The following ROBO2 variants were observed in gnomAD, a reference collection of about 807,000 sequenced individuals.
The protein encoded by ROBO2 is roundabout homolog 2.
A neutral mutation model predicts 160.8 loss-of-function variants in ROBO2; 53 were observed. The observed-to-expected ratio is 0.33, with a 90% CI of 0.26 to 0.41. The LOEUF (loss-of-function observed/expected upper bound fraction) is 0.41. Ranked by LOEUF, ROBO2 falls within the 10% of genes least tolerant of loss-of-function variation. The pLI, the probability that ROBO2 is intolerant of heterozygous loss-of-function variation, is 1.00. For synonymous variants in ROBO2, 664 were observed against 611.7 expected (o/e 1.09, Z -1.26); for missense variants, 1,577 against 1,722.4 (o/e 0.92, Z 1.49).
chr3:76,020,516 G>A (rs2107659991), intron 2 of ROBO2, among the ~76,000 whole-genome samples: 1 of 151,536 alleles, frequency 6.6e-6, no homozygotes, highest in South Asian at 2.1e-4. Flanking sequence ...TAGTTACCAT[G>A]AAATTTTAAC....
At chr3:77,058,670 T>C (rs576675813) in intron 1 of ROBO2, among the ~76,000 whole-genome samples, 74 of 152,064 alleles carry the variant, frequency 4.9e-4, no homozygotes, top group Middle Eastern at 3.4e-3. Flanking sequence ...GCTGGGATTA[T>C]AGGCCTGCAC....
intron 2 of ROBO2, among the ~76,000 whole-genome samples, chr3:76,240,130 T>C (rs546491437): frequency 6.6e-6 from 1 of 152,290 alleles, no homozygotes; most frequent in East Asian, 1.9e-4. Context: ...AATCTAGAGC[T>C]GTACTTTCTT....
At chr3:77,315,127 C>T (rs1262760551) in intron 2 of ROBO2, among the ~76,000 whole-genome samples, 2 of 151,960 alleles carry the variant, frequency 1.3e-5, no homozygotes, top group African/African-American at 2.4e-5. Context: ...TTTCCTTCTC[C>T]GTACAATGGA....
chr3:77,643,067 T>C (rs2095370966), intron 24 of ROBO2, 124 bp downstream of exon 26: 5 of 386,006 alleles, frequency 1.3e-5, no homozygotes, highest in Non-Finnish European at 2.6e-5. Flanking sequence ...TAATGGAATT[T>C]GGAATTCCTT....
chr3:77,503,480 C>T (rs920957854), intron 5 of ROBO2, among the ~76,000 whole-genome samples: 70 of 150,278 alleles, frequency 4.7e-4, no homozygotes, highest in Non-Finnish European at 9.5e-4. Context: ...GCCAAGATCG[C>T]GCCACTGCAC....
At chr3:77,148,847 A>G (rs955530308) in intron 2 of ROBO2, among the ~76,000 whole-genome samples, 3 of 152,160 alleles carry the variant, frequency 2.0e-5, no homozygotes, top group Non-Finnish European at 4.4e-5. Flanking sequence ...AATTTCCTCA[A>G]TCCTGATTAA....
chr3:76,099,540 C>T (rs2108153205), intron 2 of ROBO2, among the ~76,000 whole-genome samples: 1 of 152,126 alleles, frequency 6.6e-6, no homozygotes, highest in South Asian at 2.1e-4. Context: ...GACTGAAAAG[C>T]AGTGGATATT....
intron 2 of ROBO2, among the ~76,000 whole-genome samples, chr3:76,419,395 T>G (rs1257875146): frequency 6.6e-6 from 1 of 152,194 alleles, no homozygotes; most frequent in Non-Finnish European, 1.5e-5. Context: ...GATAACATTT[T>G]TATTCAAAGT....
intron 2 of ROBO2, among the ~76,000 whole-genome samples, chr3:76,619,532 C>T (rs937569168): frequency 1.3e-5 from 2 of 152,170 alleles, no homozygotes; most frequent in Non-Finnish European, 2.9e-5. Context: ...TTCATGAGCA[C>T]TGCCATATTT....
chr3:76,229,948 G>T (rs1036029902), intron 2 of ROBO2, among the ~76,000 whole-genome samples: 3 of 152,138 alleles, frequency 2.0e-5, no homozygotes, highest in Non-Finnish European at 2.9e-5. Flanking sequence ...ATACTCATCT[G>T]TGCTGGCATC....
At chr3:77,512,900 G>A (rs1464839918) in intron 5 of ROBO2, among the ~76,000 whole-genome samples, 6 of 151,836 alleles carry the variant, frequency 4.0e-5, no homozygotes, top group South Asian at 2.1e-4. Flanking sequence ...CCAACTTAAC[G>A]ATTAATACAG....
intron 2 of ROBO2, among the ~76,000 whole-genome samples, chr3:75,938,175 G>A (rs1293765466): frequency 1.3e-5 from 2 of 151,892 alleles, no homozygotes; most frequent in Non-Finnish European, 2.9e-5. Flanking sequence ...CTGTAAGGTT[G>A]TGGCATCCTG....
At chr3:76,381,318 A>G (rs985289607) in intron 2 of ROBO2, among the ~76,000 whole-genome samples, 1 of 152,120 alleles carries the variant, frequency 6.6e-6, no homozygotes, top group Admixed American at 6.5e-5. Flanking sequence ...AAGAATATGC[A>G]TAACAAGAAT....
chr3:76,666,604 G>C (rs1234660956), intron 2 of ROBO2, among the ~76,000 whole-genome samples: 1 of 151,812 alleles, frequency 6.6e-6, no homozygotes, highest in Admixed American at 6.6e-5. Context: ...ACATTTCTCA[G>C]GACTCAGTCT....
At chr3:77,118,984 A>C (rs1173727377) in intron 2 of ROBO2, among the ~76,000 whole-genome samples, 1 of 152,118 alleles carries the variant, frequency 6.6e-6, no homozygotes, top group Non-Finnish European at 1.5e-5. Context: ...CTTGGGGAGT[A>C]AGGGACCTGG....
intron 2 of ROBO2, among the ~76,000 whole-genome samples, chr3:77,418,787 T>G (rs2077467172): frequency 6.6e-6 from 1 of 152,072 alleles, no homozygotes; most frequent in Non-Finnish European, 1.5e-5. Context: ...TTAAAAACTA[T>G]AAACTATGGG....
intron 2 of ROBO2, among the ~76,000 whole-genome samples, chr3:75,951,851 T>G (rs1293222078): frequency 6.6e-6 from 1 of 151,986 alleles, no homozygotes; most frequent in Non-Finnish European, 1.5e-5. Flanking sequence ...ATCTGATAGC[T>G]CCCTTGTGTA....
chr3:76,835,096 C>G (rs563811928), intron 2 of ROBO2, among the ~76,000 whole-genome samples: 48 of 151,996 alleles, frequency 3.2e-4, no homozygotes, highest in Admixed American at 2.3e-3. Flanking sequence ...ACTCAACAAG[C>G]ATATTACTAA....
At chr3:75,973,286 A>G (rs932622298) in intron 2 of ROBO2, among the ~76,000 whole-genome samples, 1 of 151,710 alleles carries the variant, frequency 6.6e-6, no homozygotes, top group Non-Finnish European at 1.5e-5. Context: ...AAATGGACAA[A>G]TATTGTAAGA....
Sources: allele counts gnomAD v4.1 joint callset (sites outside exome capture counted in the v4.1 genomes callset), GRCh38; gene constraint gnomAD v4.1.1; transcripts MANE v1.5; gene names NCBI Gene and HGNC (gene_info 2026-07-23, HGNC 2026-07-21).